The following TNR variants were observed in gnomAD, a reference collection of about 807,000 sequenced individuals.
The protein encoded by TNR is tenascin R, also known as tenascin-R.
TNR carries 45 observed loss-of-function variants against 150.4 expected under a neutral mutation model. That is an observed-to-expected ratio of 0.30 (90% confidence interval 0.24 to 0.38). TNR has a LOEUF of 0.38. Ranked by LOEUF, TNR falls within the 10% of genes least tolerant of loss-of-function variation. TNR has a pLI of 1.00. For synonymous variants in TNR, 687 were observed against 678.4 expected, an observed-to-expected ratio of 1.01 and a Z score of -0.20; for missense variants, 1,544 against 1,759.1, an observed-to-expected ratio of 0.88 and a Z score of 2.19.
chr1:175,613,311 G>A (rs1663657355), intron 1 of TNR, among the ~76,000 whole-genome samples: 1 of 152,112 alleles, frequency 6.6e-6, no homozygotes, highest in African/African-American at 2.4e-5. Context: ...TGTTCTAATG[G>A]TAAAGGCTCC....
At chr1:175,646,502 CT>C (rs1284752265) in intron 1 of TNR, among the ~76,000 whole-genome samples, 1 of 152,176 alleles carries the variant, frequency 6.6e-6, no homozygotes, top group Admixed American at 6.5e-5. Context: ...GCTTCTTACC[CT>C]TAAGACGTTG....
At chr1:175,412,639 C>T (rs1654260417) in intron 2 of TNR, among the ~76,000 whole-genome samples, 1 of 151,966 alleles carries the variant, frequency 6.6e-6, no homozygotes, top group Non-Finnish European at 1.5e-5. Flanking sequence ...TCTGAGATCC[C>T]CCAATGTGTC....
chr1:175,583,494 A>G (rs1233188766), intron 1 of TNR, among the ~76,000 whole-genome samples: 2 of 152,174 alleles, frequency 1.3e-5, no homozygotes, highest in Non-Finnish European at 2.9e-5. Context: ...CATACCCAGA[A>G]CTTAAGAGAC....
chr1:175,451,566 A>AT (rs199668635), intron 2 of TNR, among the ~76,000 whole-genome samples: 14,952 of 151,976 alleles, frequency 0.098, 988 homozygotes, highest in Admixed American at 0.18. Context: ...CCAATAGGGG[A>AT]TTTTGTCACT....
rs1424128037 is a variant in TNR at position 175,318,353 on chromosome 1, C to A, written c.*5004G>T. On this transcript the variant is annotated 3_prime_UTR_variant, in exon 23 of 23. Coordinates refer to ENST00000367674, the MANE Select transcript of TNR (RefSeq NM_003285.3). ...TCTTAATTTTATATTTTTCTTCTTT[C>A]CACCTGTTTCTCAAGGCTTGATGAA... The A allele has an allele frequency of 1.3e-5, 2 of 152,190 alleles. No individual in the cohort carries two copies. Among genetic ancestry groups the A allele is most frequent in the African/African-American group, 4.8e-5 (2 of 41,442 alleles). The allele number at this position is 152,190 out of a possible 1,614,324, so 9.4% of individuals were successfully genotyped here.
intron 9 of TNR, among the ~76,000 whole-genome samples, chr1:175,379,093 C>T (rs761648144): frequency 7.3e-5 from 11 of 150,656 alleles, no homozygotes; most frequent in Non-Finnish European, 1.2e-4. Flanking sequence ...GCAGGAGAAT[C>T]GCTTGAACCC....
intron 2 of TNR, among the ~76,000 whole-genome samples, chr1:175,500,009 C>G (rs2102148313): frequency 6.6e-6 from 1 of 152,344 alleles, no homozygotes; most frequent in East Asian, 1.9e-4. Flanking sequence ...TCACATGTAA[C>G]TTGCCTCATG....
At chr1:175,394,483 T>C (rs1041475630) in intron 5 of TNR, among the ~76,000 whole-genome samples, 16 of 152,114 alleles carry the variant, frequency 1.1e-4, no homozygotes, top group Non-Finnish European at 1.5e-5. Flanking sequence ...TGGTCTGAAT[T>C]TTTCATTTCA....
At chr1:175,699,169 G>T (rs1666614507) in intron 1 of TNR, among the ~76,000 whole-genome samples, 1 of 152,098 alleles carries the variant, frequency 6.6e-6, no homozygotes, top group African/African-American at 2.4e-5. Context: ...GTGAGAAAAA[G>T]GGAAGAATCC....
intron 1 of TNR, among the ~76,000 whole-genome samples, chr1:175,575,418 G>A (rs914824020): frequency 1.3e-5 from 2 of 152,230 alleles, no homozygotes; most frequent in Non-Finnish European, 2.9e-5. Context: ...CAAGCCTTGT[G>A]CTAGGCACCG....
intron 3 of TNR, among the ~76,000 whole-genome samples, chr1:175,405,680 A>G (rs1653916910): frequency 6.6e-6 from 1 of 151,720 alleles, no homozygotes; most frequent in South Asian, 2.1e-4. Context: ...TTGAGGGGGC[A>G]GGGGCTAAAG....
intron 1 of TNR, among the ~76,000 whole-genome samples, chr1:175,742,289 C>G (rs1255424049): frequency 6.6e-6 from 1 of 152,170 alleles, no homozygotes; most frequent in Non-Finnish European, 1.5e-5. Flanking sequence ...AACAGAGTAC[C>G]ACTTCAAGCC....
intron 1 of TNR, among the ~76,000 whole-genome samples, chr1:175,637,272 T>C (rs1664514260): frequency 6.6e-6 from 1 of 152,252 alleles, no homozygotes; most frequent in Non-Finnish European, 1.5e-5. Flanking sequence ...ACTTTGTTAT[T>C]ACATGGTGCA....
At chr1:175,741,798 T>C (rs929936503) in intron 1 of TNR, among the ~76,000 whole-genome samples, 15 of 152,172 alleles carry the variant, frequency 9.9e-5, no homozygotes, top group African/African-American at 3.6e-4. Context: ...AAGGGGCCCA[T>C]TGTGCTGAAT....
At chr1:175,440,904 A>C (rs973082829) in intron 2 of TNR, among the ~76,000 whole-genome samples, 1 of 152,170 alleles carries the variant, frequency 6.6e-6, no homozygotes, top group Non-Finnish European at 1.5e-5. Context: ...AGGGGATAAG[A>C]TCCAATAAGC....
intron 1 of TNR, among the ~76,000 whole-genome samples, chr1:175,733,412 G>A (rs1667692731): frequency 6.6e-6 from 1 of 152,156 alleles, no homozygotes; most frequent in Non-Finnish European, 1.5e-5. Flanking sequence ...ATGCTGCTTG[G>A]GAGGGCTCTG....
intron 1 of TNR, among the ~76,000 whole-genome samples, chr1:175,707,786 ACTCT>A (rs1008139294): frequency 2.9e-4 from 44 of 152,044 alleles, no homozygotes; most frequent in African/African-American, 1.0e-3. Context: ...CACTCAGCAA[ACTCT>A]CTCTCTCAGT....
At chr1:175,394,513 C>T (rs935630616) in intron 5 of TNR, among the ~76,000 whole-genome samples, 1 of 152,264 alleles carries the variant, frequency 6.6e-6, no homozygotes, top group African/African-American at 2.4e-5. Flanking sequence ...CTCTTTTCCT[C>T]CCACCACCCC....
intron 1 of TNR, among the ~76,000 whole-genome samples, chr1:175,708,026 G>A (rs868312752): frequency 1.5e-5 from 2 of 130,390 alleles, no homozygotes; most frequent in African/African-American, 6.0e-5. Context: ...GTTTGTGTGT[G>A]TGTGTGTGTG....
Sources: allele counts gnomAD v4.1 joint callset (sites outside exome capture counted in the v4.1 genomes callset), GRCh38; gene constraint gnomAD v4.1.1; transcripts MANE v1.5; gene names NCBI Gene and HGNC (gene_info 2026-07-23, HGNC 2026-07-21).